Variants in SOX6 observed in about 807,000 individuals in gnomAD.
SOX6 encodes transcription factor SOX-6.
A neutral mutation model predicts 97.8 loss-of-function variants in SOX6; 11 were observed. That is an observed-to-expected ratio of 0.11 (90% CI 0.07 to 0.19). The LOEUF is 0.19. Ranked by LOEUF, SOX6 falls within the 10% of genes least tolerant of loss-of-function variation. The probability of loss-of-function intolerance (pLI) is 1.00; values close to 1 mark genes in which losing one functional copy is unlikely to be tolerated. For missense variants in SOX6, 810 were observed against 1,039.5 expected (o/e 0.78, Z 3.04); for synonymous variants, 360 against 371.4 (o/e 0.97, Z 0.35).
chr11:16,066,164 G>T (rs1358115032), intron 9 of SOX6, among the ~76,000 whole-genome samples: 2 of 152,160 alleles, frequency 1.3e-5, no homozygotes, highest in Non-Finnish European at 2.9e-5. Flanking sequence ...ATGAAAAGTT[G>T]CTCAACATCA....
At chr11:16,437,703 T>C (rs1010928600) in intron 1 of SOX6, among the ~76,000 whole-genome samples, 3 of 152,138 alleles carry the variant, frequency 2.0e-5, no homozygotes, top group African/African-American at 7.2e-5. Context: ...TTCTCAGCAC[T>C]TGATGTGTTA....
At chr11:16,175,322 G>C (rs758744604) in intron 6 of SOX6, among the ~76,000 whole-genome samples, 2 of 151,772 alleles carry the variant, frequency 1.3e-5, no homozygotes, top group African/African-American at 4.8e-5. Flanking sequence ...CAATTACTAG[G>C]GGTTTTATAT....
At chr11:16,455,940 A>G (rs1503446) in intron 1 of SOX6, among the ~76,000 whole-genome samples, 151,417 of 152,148 alleles carry the variant, frequency 1, 75,350 homozygotes, top group Middle Eastern at 1. Context: ...ATGTTTGCCT[A>G]AAATGTCAAA....
At chr11:16,398,359 C>G (rs948883732) in intron 1 of SOX6, among the ~76,000 whole-genome samples, 2 of 151,434 alleles carry the variant, frequency 1.3e-5, no homozygotes, top group African/African-American at 4.8e-5. Flanking sequence ...CATCTAAAAC[C>G]ATAACCATTC....
intron 9 of SOX6, among the ~76,000 whole-genome samples, chr11:16,081,156 C>T (rs1848464577): frequency 6.6e-6 from 1 of 152,018 alleles, no homozygotes; most frequent in Admixed American, 6.6e-5. Context: ...AATGAGGAAG[C>T]GTTTGGGCTA....
intron 4 of SOX6, chr11:16,484,199 C>A: frequency 1.2e-6 from 1 of 804,312 alleles, no homozygotes; most frequent in Non-Finnish European, 2.3e-6. Context: ...GTTGGAGATG[C>A]CAATAGCTTT....
intron 2 of SOX6, among the ~76,000 whole-genome samples, chr11:16,729,405 A>T (rs532019097): frequency 3.3e-4 from 50 of 152,316 alleles, no homozygotes; most frequent in African/African-American, 1.1e-3. Context: ...ACAAGCCAGA[A>T]GAGAGTGGGG....
chr11:16,554,972 A>T (rs1312543177), intron 4 of SOX6, among the ~76,000 whole-genome samples: 1 of 152,026 alleles, frequency 6.6e-6, no homozygotes, highest in East Asian at 1.9e-4. Context: ...TCTCCATAGT[A>T]TCAGTATTGA....
At chr11:16,724,860 G>T (rs1036169394) in intron 2 of SOX6, among the ~76,000 whole-genome samples, 2 of 152,146 alleles carry the variant, frequency 1.3e-5, no homozygotes, top group Non-Finnish European at 2.9e-5. Flanking sequence ...TAAAAAAGAT[G>T]ACAAATGTTG....
chr11:16,080,258 T>TAAA (rs11354992), intron 9 of SOX6, among the ~76,000 whole-genome samples: 2 of 106,158 alleles, frequency 1.9e-5, no homozygotes, highest in Middle Eastern at 6.0e-3. Flanking sequence ...TTAAGAAAAC[T>TAAA]AAAAAAAAAA....
chr11:16,088,184 G>C (rs887215567), intron 9 of SOX6, among the ~76,000 whole-genome samples: 18 of 152,066 alleles, frequency 1.2e-4, no homozygotes, highest in African/African-American at 4.3e-4. Context: ...GGAAAGTAAA[G>C]CGATTTCCCA....
intron 4 of SOX6, among the ~76,000 whole-genome samples, chr11:16,202,254 T>C (rs1380550102): frequency 3.3e-5 from 5 of 152,166 alleles, no homozygotes; most frequent in African/African-American, 1.2e-4. Flanking sequence ...CATTTGCTTC[T>C]GAAGATTCTA....
chr11:15,988,982 C>T lies in SOX6; in HGVS notation c.1966+15G>A. ...CAGGGGAGAAGATCAGCTTTAGCTG[C>T]ACTGCTGCACTCACCTAAGATTTTG... On this transcript the variant is annotated intron_variant, in intron 14 of 15. Coordinates refer to ENST00000683767, the MANE Select transcript of SOX6 (RefSeq NM_001367873.1). 1 of 1,608,178 alleles carries T rather than the reference C, an allele frequency of 6.2e-7. No individual in the cohort carries two copies. The highest frequency in any genetic ancestry group is 8.5e-7 in the Non-Finnish European group (1 of 1,174,550).
intron 3 of SOX6, among the ~76,000 whole-genome samples, chr11:16,244,873 A>G (rs1853292401): frequency 6.6e-6 from 1 of 151,728 alleles, no homozygotes; most frequent in Admixed American, 6.6e-5. Flanking sequence ...CAGCCTTACA[A>G]TAAGTTTTGA....
At chr11:16,168,065 A>G (rs1850931450) in intron 6 of SOX6, among the ~76,000 whole-genome samples, 1 of 152,168 alleles carries the variant, frequency 6.6e-6, no homozygotes, top group East Asian at 1.9e-4. Context: ...AAAGAAACAC[A>G]ATGAGAAGTT....
intron 1 of SOX6, among the ~76,000 whole-genome samples, chr11:16,373,065 T>C (rs932026122): frequency 7.9e-5 from 12 of 152,048 alleles, no homozygotes; most frequent in East Asian, 3.9e-4. Context: ...AGAAGGAAAA[T>C]TGGCATTGTA....
chr11:16,247,574 T>C (rs566506457), intron 3 of SOX6, among the ~76,000 whole-genome samples: 130 of 152,190 alleles, frequency 8.5e-4, no homozygotes, highest in Non-Finnish European at 1.6e-3. Context: ...CACATGGTGA[T>C]AGGAAGGAGA....
Position 16,182,851 on chromosome 11 carries a change from G to C in SOX6, c.777+1035C>G, listed in dbSNP as rs560454439. Among the ~76,000 whole-genome samples the C allele has an allele frequency of 2.0e-5, 3 of 151,824 alleles. No individual in the cohort carries two copies. The South Asian group carries it at 6.2e-4, about 31-fold the overall frequency. ...AGCAAGGATCGAAGGTAAAATCCTTGTTATTCATCAATGAGATAGAATATT... is the reference window on the plus strand; with the variant it reads ...AGCAAGGATCGAAGGTAAAATCCTTCTTATTCATCAATGAGATAGAATATT... On this transcript the variant is annotated intron_variant, in intron 6 of 15. Coordinates refer to ENST00000683767, the MANE Select transcript of SOX6 (RefSeq NM_001367873.1).
At chr11:15,974,703 C>T (rs1264625105) in intron 15 of SOX6, among the ~76,000 whole-genome samples, 1 of 152,050 alleles carries the variant, frequency 6.6e-6, no homozygotes, top group Admixed American at 6.6e-5. Flanking sequence ...TCCATGCCCT[C>T]CAGCCTGGCA....
Sources: allele counts gnomAD v4.1 joint callset (sites outside exome capture counted in the v4.1 genomes callset), GRCh38; gene constraint gnomAD v4.1.1; transcripts MANE v1.5; gene names NCBI Gene and HGNC (gene_info 2026-07-23, HGNC 2026-07-21).